Variants in SLC8A1 observed in about 807,000 individuals in gnomAD.
SLC8A1 encodes sodium/calcium exchanger 1.
SLC8A1 carries 18 observed loss-of-function variants against 68.3 expected under a neutral mutation model. The ratio of observed to expected loss-of-function variants is 0.26; its 90% CI spans 0.18 to 0.39. SLC8A1 has a LOEUF of 0.39. Among genes scored for constraint, SLC8A1 ranks in the 10% least tolerant of loss-of-function variants. SLC8A1 has a pLI of 1.00. For synonymous variants in SLC8A1, 475 were observed against 415.5 expected (o/e 1.14, Z -1.74); for missense variants, 985 against 1,156.7 (o/e 0.85, Z 2.15).
At chr2:40,310,755 T>G (rs1257461560) in intron 2 of SLC8A1, among the ~76,000 whole-genome samples, 1 of 152,076 alleles carries the variant, frequency 6.6e-6, no homozygotes, top group Non-Finnish European at 1.5e-5. Flanking sequence ...GTAGAATACA[T>G]TTTCCACAAT....
intron 7 of SLC8A1, among the ~76,000 whole-genome samples, chr2:40,138,852 C>T (rs938213439): frequency 6.6e-6 from 1 of 152,154 alleles, no homozygotes; most frequent in East Asian, 1.9e-4. Context: ...ATGAAATATA[C>T]ATTTGGCCTG....
chr2:40,371,128 T>C (rs1288806216), intron 2 of SLC8A1, among the ~76,000 whole-genome samples: 2 of 152,090 alleles, frequency 1.3e-5, no homozygotes, highest in Non-Finnish European at 2.9e-5. Context: ...TTTCTTAGTA[T>C]GATATTGGTG....
chr2:40,235,608 GCT>G (rs2060261187), intron 2 of SLC8A1, among the ~76,000 whole-genome samples: 1 of 151,790 alleles, frequency 6.6e-6, no homozygotes, highest in South Asian at 2.1e-4. Flanking sequence ...CTTCAGTTCT[GCT>G]CTGATTTTAG....
intron 2 of SLC8A1, among the ~76,000 whole-genome samples, chr2:40,204,135 T>G (rs938964268): frequency 5.3e-5 from 8 of 152,072 alleles, no homozygotes; most frequent in Non-Finnish European, 1.2e-4. Context: ...AAAAGCCATT[T>G]GTTGCACTTA....
chr2:40,342,346 CAT>C lies in SLC8A1; in HGVS notation c.1808+86125_1808+86126del, dbSNP rs370225721. ...ATTAATAAATGAATAAGCTATTTGA[CAT>C]GTGCTCATTTGATGTAGGCAAATCA... On this transcript the variant is annotated intron_variant, in intron 2 of 7. Coordinates refer to ENST00000406785, the Ensembl canonical transcript of SLC8A1. 9.5e-3 allele frequency among the ~76,000 whole-genome samples: 1,447 copies of C among 152,220 alleles called. 26 individuals are homozygous for C. Among genetic ancestry groups the C allele is most frequent in the African/African-American group, 0.033 (1,351 of 41,560 alleles).
intron 2 of SLC8A1, among the ~76,000 whole-genome samples, chr2:40,321,621 T>C (rs75937989): frequency 1.3e-3 from 204 of 152,244 alleles, no homozygotes; most frequent in African/African-American, 4.4e-3. Flanking sequence ...AAATACATCC[T>C]TCTTCACATG....
chr2:40,352,039 C>G lies in SLC8A1; in HGVS notation c.1808+76434G>C, dbSNP rs535385322. 5.9e-5 allele frequency among the ~76,000 whole-genome samples: 9 copies of G among 152,240 alleles called. No homozygotes were observed. In the South Asian group the frequency reaches 1.9e-3, roughly 32 times the overall value. The stretch of plus-strand genomic sequence containing the variant: ...TGAAAAGGTTTTTAAAACCAATGGA[C>G]GTTGCTTAAGTCAATCTAGAGAATA... On this transcript the variant is annotated intron_variant, in intron 2 of 7. Transcript: ENST00000406785.
chr2:40,157,459 C>T (rs1024180805), intron 6 of SLC8A1, among the ~76,000 whole-genome samples: 1 of 152,184 alleles, frequency 6.6e-6, no homozygotes, highest in South Asian at 2.1e-4. Context: ...CTTTGCCTCA[C>T]CTCTGCCCAA....
chr2:40,419,964 C>T lies in SLC8A1; in HGVS notation c.1808+8509G>A, dbSNP rs998397545. Among the ~76,000 whole-genome samples, 9 of 152,100 alleles carry T rather than the reference C, an allele frequency of 5.9e-5. No individual in the cohort carries two copies. The East Asian group carries it at 7.7e-4, about 13-fold the overall frequency. ...AAAAATTTAATAAAACCACCTTGTT[C>T]GAAAACAAATTTGTTATAGAAACAC... On this transcript the variant is annotated intron_variant, in intron 2 of 7. Transcript: ENST00000406785.
intron 2 of SLC8A1, among the ~76,000 whole-genome samples, chr2:40,254,178 TAATATAA>T (rs1301942932): frequency 2.0e-5 from 3 of 147,724 alleles, no homozygotes; most frequent in African/African-American, 7.7e-5. Context: ...AACAAAAAAT[TAATATAA>T]AAAAAGAAAA....
intron 2 of SLC8A1, among the ~76,000 whole-genome samples, chr2:40,420,703 A>G (rs942725418): frequency 5.3e-5 from 8 of 152,174 alleles, no homozygotes; most frequent in Admixed American, 2.6e-4. Flanking sequence ...AGAATCCCAG[A>G]AAAGATAAAT....
intron 2 of SLC8A1, among the ~76,000 whole-genome samples, chr2:40,345,890 T>C (rs567517193): frequency 5.3e-5 from 8 of 151,914 alleles, no homozygotes; most frequent in Non-Finnish European, 8.8e-5. Flanking sequence ...AAATACCTAA[T>C]GCACGCGGAG....
chr2:40,321,172 T>C (rs2075137733), intron 2 of SLC8A1, among the ~76,000 whole-genome samples: 1 of 152,166 alleles, frequency 6.6e-6, no homozygotes, highest in Non-Finnish European at 1.5e-5. Context: ...ATTTGCAAAG[T>C]CTTTCTGTCG....
chr2:40,189,736 G>A (rs2148639969), intron 2 of SLC8A1: 1 of 152,250 alleles, frequency 6.6e-6, no homozygotes, highest in South Asian at 2.1e-4. Flanking sequence ...TTTTGTTTTA[G>A]CTTTTAATGA....
rs1558810266 is a variant in SLC8A1 at position 40,219,810 on chromosome 2, G to GACTAAAATTGTGCCAAATAAATAAGATTT, written c.1809-41956_1809-41955insAAATCTTATTTATTTGGCACAATTTTAGT. ...CTAGTTGATGAGAGAGATGTGCTTT[G>GACTAAAATTGTGCCAAATAAATAAGATTT]TTTGCTATGCATGAGATTGCTTGAA... On this transcript the variant is annotated intron_variant, in intron 2 of 7. Coordinates refer to ENST00000406785, the Ensembl canonical transcript of SLC8A1. Among the ~76,000 whole-genome samples, 76 of 25,008 alleles carry GACTAAAATTGTGCCAAATAAATAAGATTT rather than the reference G, an allele frequency of 3.0e-3. 4 individuals carry two copies. The highest frequency in any genetic ancestry group is 5.6e-3 in the South Asian group (6 of 1,068). The allele number at this position is 25,008 out of a possible 152,430, so 16.4% of individuals were successfully genotyped here.
At chr2:40,124,597 AG>A (rs1331798396) in intron 7 of SLC8A1, among the ~76,000 whole-genome samples, 2 of 152,228 alleles carry the variant, frequency 1.3e-5, no homozygotes, top group African/African-American at 4.8e-5. Flanking sequence ...GATACAAAAA[AG>A]CATATGTGCC....
At chr2:40,301,243 A>G (rs1559149833) in intron 2 of SLC8A1, among the ~76,000 whole-genome samples, 1 of 152,248 alleles carries the variant, frequency 6.6e-6, no homozygotes, top group Non-Finnish European at 1.5e-5. Context: ...ATTTAAAACA[A>G]CACTATAAAC....
chr2:40,452,236 C>T (rs544128137), upstream of SLC8A1, among the ~76,000 whole-genome samples: 120 of 150,222 alleles, frequency 8.0e-4, no homozygotes, highest in African/African-American at 2.9e-3. Flanking sequence ...CTCACACGCG[C>T]GCTCGGCCCC....
chr2:40,219,628 A>G (rs987805509), intron 2 of SLC8A1, among the ~76,000 whole-genome samples: 2 of 152,202 alleles, frequency 1.3e-5, no homozygotes, highest in Non-Finnish European at 1.5e-5. Flanking sequence ...AGGCATTACA[A>G]TTATAAGTTT....
Sources: allele counts gnomAD v4.1 joint callset (sites outside exome capture counted in the v4.1 genomes callset), GRCh38; gene constraint gnomAD v4.1.1; transcripts MANE v1.5; gene names NCBI Gene and HGNC (gene_info 2026-07-23, HGNC 2026-07-21).